L3MBTL4: variants seen among roughly 807,000 people sequenced by gnomAD.
L3MBTL4 encodes the protein lethal(3)malignant brain tumor-like protein 4.
A neutral mutation model predicts 84.5 loss-of-function variants in L3MBTL4; 70 were observed. That is an observed-to-expected ratio of 0.83 (90% CI 0.68 to 1.01). The LOEUF is 1.01. Ranked by LOEUF, L3MBTL4 falls within the 50% of genes least tolerant of loss-of-function variation. L3MBTL4 has a pLI of 0.00. For synonymous variants in L3MBTL4, 274 were observed against 259.8 expected, an observed-to-expected ratio of 1.05 and a Z score of -0.52; for missense variants, 715 against 754.8, an observed-to-expected ratio of 0.95 and a Z score of 0.62.
intron 13 of L3MBTL4, among the ~76,000 whole-genome samples, chr18:6,143,123 C>T (rs763411103): frequency 6.6e-6 from 1 of 152,112 alleles, no homozygotes; most frequent in Non-Finnish European, 1.5e-5. Flanking sequence ...GGACAACATC[C>T]TACACACAGA....
intron 12 of L3MBTL4, among the ~76,000 whole-genome samples, chr18:6,209,431 G>T (rs2046006449): frequency 7.5e-6 from 1 of 132,730 alleles, no homozygotes; most frequent in African/African-American, 3.5e-5. Flanking sequence ...AGCCCATAAG[G>T]CCCACTAAAC....
chr18:6,209,031 G>A (rs919378435), intron 12 of L3MBTL4, among the ~76,000 whole-genome samples: 10 of 152,164 alleles, frequency 6.6e-5, no homozygotes, highest in Admixed American at 6.5e-4. Context: ...CCCCAGCACT[G>A]ACCATGTATG....
chr18:6,004,525 G>A (rs537004131), intron 16 of L3MBTL4, among the ~76,000 whole-genome samples: 2 of 152,216 alleles, frequency 1.3e-5, no homozygotes, highest in Admixed American at 1.3e-4. Context: ...TCATAGAAAG[G>A]CATTCAAATA....
chr18:6,197,269 C>T (rs972685202), intron 12 of L3MBTL4, among the ~76,000 whole-genome samples: 8 of 152,174 alleles, frequency 5.3e-5, no homozygotes, highest in African/African-American at 1.9e-4. Flanking sequence ...CTCCCCACAT[C>T]CAACCCCTGA....
intron 16 of L3MBTL4, among the ~76,000 whole-genome samples, chr18:5,970,738 G>GA (rs2052598963): frequency 6.6e-6 from 1 of 152,198 alleles, no homozygotes; most frequent in South Asian, 2.1e-4. Flanking sequence ...GATGGTTTTT[G>GA]TTTTACTAAC....
intron 4 of L3MBTL4, among the ~76,000 whole-genome samples, chr18:6,289,101 T>G (rs1251384271): frequency 1.3e-5 from 2 of 152,072 alleles, no homozygotes; most frequent in Non-Finnish European, 2.9e-5. Flanking sequence ...GTCCCAAAGT[T>G]TTTTTAAAAA....
chr18:6,102,380 C>T (rs1444669943), intron 14 of L3MBTL4, among the ~76,000 whole-genome samples: 3 of 152,328 alleles, frequency 2.0e-5, no homozygotes, highest in South Asian at 4.1e-4. Flanking sequence ...ATCAGTGTCT[C>T]CAAACTCAGG....
intron 10 of L3MBTL4, among the ~76,000 whole-genome samples, chr18:6,216,645 T>C (rs772635920): frequency 1.1e-4 from 17 of 152,178 alleles, no homozygotes; most frequent in Non-Finnish European, 2.5e-4. Context: ...AAATAGACAA[T>C]GAACCTGCCA....
intron 1 of L3MBTL4, among the ~76,000 whole-genome samples, chr18:6,405,301 T>A (rs1318794529): frequency 6.6e-6 from 1 of 152,168 alleles, no homozygotes; most frequent in Non-Finnish European, 1.5e-5. Flanking sequence ...ACCTTGCACT[T>A]TTCCTTCCCT....
chr18:6,282,422 C>A, intron 4 of L3MBTL4, among the ~76,000 whole-genome samples: 1 of 152,062 alleles, frequency 6.6e-6, no homozygotes. Flanking sequence ...ACACATGTAC[C>A]TATAATTAGG....
In L3MBTL4 at chr18:5,969,420, G is replaced by A. The variant is rs2052522597; in HGVS notation, c.1587C>T (p.Ser529=). 6.2e-7 allele frequency: 1 copy of A among 1,613,742 alleles called. No homozygotes were observed. Among genetic ancestry groups the A allele is most frequent in the South Asian group, 1.1e-5 (1 of 91,080 alleles). ...LLPGVADIRA[S]QVARWTVDEV... is the part of the protein sequence containing the mutation. ...CATCCACAGTCCAACGTGCCACTTG[G>A]CTGGCCCGGATGTCAGCCACGCCTG... is the stretch of plus-strand genomic sequence containing the variant. Residue 529 remains serine, a synonymous_variant, in exon 17 of 19, where the codon AGC becomes AGT. Coordinates refer to ENST00000317931, the MANE Select transcript of L3MBTL4 (RefSeq NM_001330559.2).
intron 18 of L3MBTL4, among the ~76,000 whole-genome samples, chr18:5,958,157 G>C (rs1289930131): frequency 1.5e-5 from 1 of 66,202 alleles, no homozygotes; most frequent in Non-Finnish European, 3.4e-5. Context: ...AGAAGAAGAA[G>C]AACAAGAAGA....
At chr18:6,156,868 T>G (rs925676222) in intron 13 of L3MBTL4, among the ~76,000 whole-genome samples, 1 of 152,210 alleles carries the variant, frequency 6.6e-6, no homozygotes, top group Non-Finnish European at 1.5e-5. Flanking sequence ...GCATCGCAAC[T>G]GTGAACAAAG....
intron 1 of L3MBTL4, among the ~76,000 whole-genome samples, chr18:6,409,332 A>G (rs1183711064): frequency 6.6e-6 from 1 of 152,192 alleles, no homozygotes; most frequent in African/African-American, 2.4e-5. Flanking sequence ...TATTTTTTAT[A>G]TGTTGTCACT....
chr18:6,349,357 T>A (rs940010787), intron 1 of L3MBTL4, among the ~76,000 whole-genome samples: 10 of 152,064 alleles, frequency 6.6e-5, no homozygotes, highest in African/African-American at 1.2e-4. Context: ...ACAGAAAAAA[T>A]TTTTAAACTA....
intron 14 of L3MBTL4, among the ~76,000 whole-genome samples, chr18:6,112,513 A>G (rs2059226444): frequency 1.3e-5 from 2 of 152,160 alleles, no homozygotes; most frequent in African/African-American, 4.8e-5. Context: ...GGCCTCTTCC[A>G]GCTTACTCCC....
chr18:6,349,402 A>T (rs1370936619), intron 1 of L3MBTL4, among the ~76,000 whole-genome samples: 1 of 152,234 alleles, frequency 6.6e-6, no homozygotes, highest in Non-Finnish European at 1.5e-5. Context: ...AATCTTAGAG[A>T]CATTATGCTA....
chr18:6,172,059 T>A, intron 12 of L3MBTL4, 117 bp from the exon 13 acceptor site: 1 of 541,438 alleles, frequency 1.8e-6, no homozygotes, highest in Non-Finnish European at 3.3e-6. Context: ...TGATCACACC[T>A]TGCAGTTGAA....
chr18:6,098,947 C>A (rs2058725296), intron 14 of L3MBTL4, among the ~76,000 whole-genome samples: 1 of 152,088 alleles, frequency 6.6e-6, no homozygotes, highest in Non-Finnish European at 1.5e-5. Context: ...CATGAATAGT[C>A]ATACCTATCA....
Sources: allele counts gnomAD v4.1 joint callset (sites outside exome capture counted in the v4.1 genomes callset), GRCh38; gene constraint gnomAD v4.1.1; transcripts MANE v1.5; gene names NCBI Gene and HGNC (gene_info 2026-07-23, HGNC 2026-07-21).